SREBF1: variants seen among roughly 807,000 people sequenced by gnomAD.
SREBF1 encodes the protein sterol regulatory element-binding protein 1.
In SREBF1, 45 loss-of-function variants were observed where a neutral mutation model predicts 100.1. That is an observed-to-expected ratio of 0.45 (90% CI 0.35 to 0.58). The LOEUF is 0.58. Among genes scored for constraint, SREBF1 ranks in the 20% least tolerant of loss-of-function variants. The probability of loss-of-function intolerance (pLI) is 0.00; values close to 1 mark genes in which losing one functional copy is unlikely to be tolerated. For missense variants in SREBF1, 1,324 were observed against 1,539.4 expected, an observed-to-expected ratio of 0.86 and a Z score of 2.34; for synonymous variants, 657 against 681.8, an observed-to-expected ratio of 0.96 and a Z score of 0.57.
chr17:17,818,061 GA>G (rs2033779120), intron 6 of SREBF1, 145 bp from the exon 7 acceptor site: 1 of 928,094 alleles, frequency 1.1e-6, no homozygotes, highest in South Asian at 1.4e-5. Flanking sequence ...GGGCCAAAGG[GA>G]GGCACCAGGT....
chr17:17,823,636 C>G, intron 1 of SREBF1: 3 of 1,589,980 alleles, frequency 1.9e-6, no homozygotes, highest in Non-Finnish European at 2.6e-6. Flanking sequence ...TTTTTGAAGC[C>G]GTTGAGCGCT....
chr17:17,836,025 T>A (rs879669207), intron 1 of SREBF1, among the ~76,000 whole-genome samples: 12 of 152,208 alleles, frequency 7.9e-5, no homozygotes, highest in Non-Finnish European at 1.6e-4. Context: ...CTACCCAAAG[T>A]AGCCACATCC....
At chr17:17,832,663 G>A (rs932831471) in intron 1 of SREBF1, among the ~76,000 whole-genome samples, 1 of 152,292 alleles carries the variant, frequency 6.6e-6, no homozygotes, top group African/African-American at 2.4e-5. Flanking sequence ...GCTCACGCCT[G>A]TAATCCCAGC....
chr17:17,813,069 A>G, intron 18 of SREBF1: 2 of 602,348 alleles, frequency 3.3e-6, no homozygotes, highest in South Asian at 4.0e-5. Context: ...CACAAATGAC[A>G]GTCACCCCAC....
intron 1 of SREBF1, chr17:17,823,627 T>C: frequency 6.2e-7 from 1 of 1,603,246 alleles, no homozygotes; most frequent in Non-Finnish European, 8.5e-7. Flanking sequence ...CGCGGCGGAT[T>C]TTTGAAGCCG....
At chr17:17,818,133 T>A in intron 6 of SREBF1, 127 bp downstream of exon 6, 1 of 465,992 alleles carries the variant, frequency 2.1e-6, no homozygotes, top group Non-Finnish European at 3.3e-6. Context: ...CAGCCAAGGG[T>A]GAGGTGGGCA....
At position 17,816,334 on chromosome 17, in the gene SREBF1, G is replaced by A. The variant is rs1329232826; in HGVS notation, c.2087C>T (p.Ala696Val). 9 of 1,585,928 alleles carry A rather than the reference G, an allele frequency of 5.7e-6. No individual in the cohort carries two copies. The highest frequency in any genetic ancestry group is 5.4e-5 in the African/African-American group (4 of 74,140). Reference protein sequence around the residue: ...TGGHLTATNLALSALNLAECA... With the variant: ...TGGHLTATNLVLSALNLAECA... Reference sequence around the variant, plus strand: ...CTCTGCCAGGTTCAGGGCACTCAGCGCCAGGTTGGTGGCAGTGAGGTGCCC... The same window carrying A: ...CTCTGCCAGGTTCAGGGCACTCAGCACCAGGTTGGTGGCAGTGAGGTGCCC... The change falls in exon 11 of 19, where the codon GCG becomes GTG. Residue 696 changes from alanine (A) to valine (V), a missense_variant. Coordinates refer to ENST00000261646, the MANE Select transcript of SREBF1 (RefSeq NM_004176.5).
chr17:17,835,018 C>A (rs1286885392), intron 1 of SREBF1, among the ~76,000 whole-genome samples: 1 of 152,104 alleles, frequency 6.6e-6, no homozygotes, highest in Non-Finnish European at 1.5e-5. Flanking sequence ...CTGTATCAGA[C>A]CTGTGGCCCA....
rs71155305 is a variant in SREBF1 at position 17,829,205 on chromosome 17, A to AATATAT, written c.91+7516_91+7521dup. Among the ~76,000 whole-genome samples the AATATAT allele has an allele frequency of 4.4e-4, 29 of 65,802 alleles. 1 individual carries two copies. Among genetic ancestry groups the AATATAT allele is most frequent in the African/African-American group, 2.4e-3 (27 of 11,386 alleles). 43.2% of individuals were successfully genotyped at this position (65,802 alleles called of 152,430 possible). On this transcript the variant is annotated intron_variant, in intron 1 of 18. Coordinates refer to ENST00000261646, the MANE Select transcript of SREBF1 (RefSeq NM_004176.5). ...AGACTCCATCTTAAAAAAAAAAAAA[A>AATATAT]ATATATATATATATATATATATATA...
At chr17:17,829,726 C>G (rs1022261624) in intron 1 of SREBF1, among the ~76,000 whole-genome samples, 2 of 151,922 alleles carry the variant, frequency 1.3e-5, no homozygotes, top group East Asian at 3.9e-4. Context: ...CTCACTGCAG[C>G]CTCAACCTCC....
At chr17:17,823,654 G>GCCCGCCCCGCCCCGCCCCGCCCCCAGC in intron 1 of SREBF1, 2 of 1,381,488 alleles carry the variant, frequency 1.4e-6, no homozygotes, top group Non-Finnish European at 2.0e-6. Context: ...GCTGCGGCGC[G>GCCCGCCCCGCCCCGCCCCGCCCCCAGC]CCCGCCCCGC....
At chr17:17,815,570 A>T in intron 12 of SREBF1, 3 of 594,908 alleles carry the variant, frequency 5.0e-6, no homozygotes, top group Middle Eastern at 4.4e-4. Flanking sequence ...AGGAAAACCG[A>T]CTTGAGAAGA....
rs748241108 is a variant in SREBF1, at chr17:17,814,366, C to G, written c.2780G>C (p.Arg927Pro). 3 of 1,568,986 alleles carry G rather than the reference C, an allele frequency of 1.9e-6. No individual in the cohort carries two copies. Among genetic ancestry groups the G allele is most frequent in the Non-Finnish European group, 2.6e-6 (3 of 1,156,888 alleles). Reference sequence around the variant, plus strand: ...TGCCTTGGCACAGCCCAGCAGGGCCCGGGCAGCCTTGAAGGAGTGCAGAGC... The same window carrying G: ...TGCCTTGGCACAGCCCAGCAGGGCCGGGGCAGCCTTGAAGGAGTGCAGAGC... ...RAALHSFKAA[R>P]ALLGCAKAES... Residue 927 changes from arginine to proline, a missense_variant, in exon 16 of 19, where the codon CGG (arginine) becomes CCG (proline). Coordinates refer to ENST00000261646, the MANE Select transcript of SREBF1 (RefSeq NM_004176.5).
intron 1 of SREBF1, among the ~76,000 whole-genome samples, chr17:17,822,470 C>T (rs1041608582): frequency 2.6e-5 from 4 of 152,236 alleles, no homozygotes; most frequent in Admixed American, 6.5e-5. Flanking sequence ...TGACTCCTTC[C>T]TCCTCATACA....
Position 17,816,197 on chromosome 17 carries a change from A to ACACC in SREBF1, c.2214+9_2214+10insGGTG. 4.4e-6 allele frequency: 5 copies of ACACC among 1,137,400 alleles called. No individual in the cohort carries two copies. In the South Asian group the frequency reaches 6.5e-5, roughly 15 times the overall value. The allele number at this position is 1,137,400 out of a possible 1,614,324, so 70.5% of individuals were successfully genotyped here. On this transcript the variant is annotated intron_variant, in intron 11 of 18. Coordinates refer to ENST00000261646, the MANE Select transcript of SREBF1 (RefSeq NM_004176.5). ...GCAGGGATAAGCCCCCAGCCCCCCAACCCACTCACTGTCAGAAAATGCAAG... is the reference window on the plus strand; with the variant it reads ...GCAGGGATAAGCCCCCAGCCCCCCAACACCCCCACTCACTGTCAGAAAATGCAAG...
chr17:17,812,959 G>A, intron 18 of SREBF1, 108 bp from the exon 19 acceptor site: 2 of 1,068,894 alleles, frequency 1.9e-6, no homozygotes, highest in South Asian at 1.7e-5. Flanking sequence ...CTGGCACACA[G>A]GTACCTGGCG....
Position 17,811,403 on chromosome 17 carries a change from GAA to G in SREBF1, c.*1217_*1218del, listed in dbSNP as rs34061744. On this transcript the variant is annotated 3_prime_UTR_variant, in exon 19 of 19. Coordinates refer to ENST00000261646, the MANE Select transcript of SREBF1 (RefSeq NM_004176.5). Reference sequence around the variant, plus strand: ...GAGTAAAAAACAGTCATTGCATTCAGAAAAAAAAAAAAAAAAAAGTCAATAAA... The same window carrying G: ...GAGTAAAAAACAGTCATTGCATTCAGAAAAAAAAAAAAAAAAGTCAATAAA... The G allele has an allele frequency of 0.38, 61,922 of 162,886 alleles. 11,394 individuals are homozygous for G. Among genetic ancestry groups the G allele is most frequent in the East Asian group, 0.89 (4,295 of 4,824 alleles). The allele number at this position is 162,886 out of a possible 1,614,324, so 10.1% of individuals were successfully genotyped here.
At chr17:17,819,852 C>T (rs1567975030) in intron 2 of SREBF1, 127 bp from the exon 3 acceptor site, 10 of 1,328,256 alleles carry the variant, frequency 7.5e-6, no homozygotes, top group Non-Finnish European at 4.0e-6. Context: ...TATGGACAGT[C>T]CCTGCCTGGG....
chr17:17,829,065 T>C (rs1362392933), intron 1 of SREBF1, among the ~76,000 whole-genome samples: 1 of 151,392 alleles, frequency 6.6e-6, no homozygotes, highest in East Asian at 1.9e-4. Context: ...TGGTGGTATG[T>C]GCCTATAGTC....
Sources: gnomAD v4.1 joint callset for allele counts (sites outside exome capture counted in the v4.1 genomes callset) on GRCh38, gnomAD v4.1.1 for gene constraint, MANE v1.5 for transcripts, NCBI Gene and HGNC (gene_info 2026-07-23, HGNC 2026-07-21) for gene names.